Variants in RTL9 observed in about 807,000 individuals in gnomAD.
RTL9 encodes the protein retrotransposon Gag like 9, also known as retrotransposon Gag-like protein 9.
In RTL9, 19 loss-of-function variants were observed where a neutral mutation model predicts 44.7. The observed-to-expected ratio is 0.42, with a 90% CI of 0.30 to 0.62. The LOEUF (loss-of-function observed/expected upper bound fraction) is 0.62. Among genes scored for constraint, RTL9 ranks in the 20% least tolerant of loss-of-function variants. The probability of loss-of-function intolerance (pLI) is 0.16; values close to 1 mark genes in which losing one functional copy is unlikely to be tolerated. For missense variants in RTL9, 1,105 were observed against 1,080.6 expected (o/e 1.02, Z -0.32); for synonymous variants, 407 against 398.9 (o/e 1.02, Z -0.24).
At chrX:110,405,374 C>T (rs1270957748) in intron 1 of RTL9, among the ~76,000 whole-genome samples, 4 of 111,104 alleles carry the variant, frequency 3.6e-5, no homozygotes, top group Non-Finnish European at 7.5e-5. Context: ...TGGGTAGCAG[C>T]GTAAAAGCCA....
rs773124783 is a variant in RTL9 at position 110,451,508 on chromosome X, G to A, written c.891G>A (p.Pro297=). Reference sequence around the variant, plus strand: ...AAAACTCTGGGGGAATACCTACCCCGCTCATGTCAGATCTAGACTCTGGAA... The same window carrying A: ...AAAACTCTGGGGGAATACCTACCCCACTCATGTCAGATCTAGACTCTGGAA... Residue 297 remains proline (P), a synonymous_variant, in exon 1 of 2, where the codon CCG becomes CCA. Coordinates refer to ENST00000540313, the Ensembl canonical transcript of RTL9. 31 of 1,210,136 alleles carry A rather than the reference G, an allele frequency of 2.6e-5. No homozygotes were observed. The Middle Eastern group carries it at 1.1e-3, about 45-fold the overall frequency.
At chrX:110,372,767 C>G (rs2068348329) in intron 1 of RTL9, among the ~76,000 whole-genome samples, 1 of 111,304 alleles carries the variant, frequency 9.0e-6, no homozygotes, top group South Asian at 3.8e-4. Context: ...CTGTCAGATT[C>G]CAGAGACAAG....
At chrX:110,382,350 A>G (rs2068426128) in intron 1 of RTL9, among the ~76,000 whole-genome samples, 1 of 111,012 alleles carries the variant, frequency 9.0e-6, no homozygotes, top group Admixed American at 9.6e-5. Context: ...AGCAACCCAA[A>G]CACCACCACC....
chrX:110,365,146 G>A (rs981964257), intron 1 of RTL9, among the ~76,000 whole-genome samples: 1 of 111,703 alleles, frequency 9.0e-6, no homozygotes, highest in African/African-American at 3.3e-5. Context: ...TCAGTTTGTG[G>A]GCCGCCTATT....
intron 1 of RTL9, among the ~76,000 whole-genome samples, chrX:110,421,642 A>C (rs1313540352): frequency 8.9e-6 from 1 of 112,857 alleles, no homozygotes; most frequent in East Asian, 2.8e-4. Context: ...AGAAGTGTAA[A>C]CAAAGCTCAA....
chrX:110,414,238 A>G (rs1360479364), upstream of RTL9, among the ~76,000 whole-genome samples: 4 of 112,125 alleles, frequency 3.6e-5, no homozygotes, highest in Non-Finnish European at 7.5e-5. Context: ...ATAGTTTCCA[A>G]CCTCAGCGGG....
At chrX:110,376,034 T>A (rs774125495) in intron 1 of RTL9, among the ~76,000 whole-genome samples, 1 of 111,780 alleles carries the variant, frequency 8.9e-6, no homozygotes, top group East Asian at 2.8e-4. Flanking sequence ...ATTTTAGTGA[T>A]GTGGAAACTG....
upstream of RTL9, among the ~76,000 whole-genome samples, chrX:110,414,405 G>A (rs1353006160): frequency 8.9e-6 from 1 of 112,647 alleles, no homozygotes; most frequent in Admixed American, 9.3e-5. Context: ...AAAGGGTGAA[G>A]TGGAGGAAAA....
chrX:110,442,307 C>A (rs1236408258), intron 1 of RTL9, among the ~76,000 whole-genome samples: 2 of 103,701 alleles, frequency 1.9e-5, no homozygotes, highest in Non-Finnish European at 3.9e-5. Flanking sequence ...AGCCAGAAAT[C>A]CAGCTTTCTA....
At chrX:110,428,171 G>A (rs1459203407) in intron 1 of RTL9, among the ~76,000 whole-genome samples, 1 of 112,060 alleles carries the variant, frequency 8.9e-6, no homozygotes, top group African/African-American at 3.3e-5. Flanking sequence ...GTGACTTTCT[G>A]TGCCTTGTCT....
exon 1 of RTL9, chrX:110,451,162 T>C (rs1368413484): frequency 8.3e-7 from 1 of 1,210,598 alleles, no homozygotes; most frequent in African/African-American, 1.7e-5. Flanking sequence ...ACACCTATAA[T>C]GAGCACTTCA....
intron 1 of RTL9, among the ~76,000 whole-genome samples, chrX:110,435,583 A>G (rs1183705772): frequency 8.9e-6 from 1 of 112,021 alleles, no homozygotes; most frequent in Non-Finnish European, 1.9e-5. Flanking sequence ...TGGATGTAAG[A>G]GAACCCTAAC....
chrX:110,402,476 C>T (rs187994821), intron 1 of RTL9, among the ~76,000 whole-genome samples: 47 of 112,839 alleles, frequency 4.2e-4, no homozygotes, highest in African/African-American at 1.4e-3. Context: ...CTACTCCCCA[C>T]GGAAGAGGAA....
intron 1 of RTL9, among the ~76,000 whole-genome samples, chrX:110,404,906 C>T (rs1374633934): frequency 8.9e-6 from 1 of 111,860 alleles, no homozygotes; most frequent in Admixed American, 9.5e-5. Flanking sequence ...AGAAAATACA[C>T]ATAGTAGCAT....
chrX:110,400,998 A>G (rs960209690), intron 1 of RTL9, among the ~76,000 whole-genome samples: 1 of 112,044 alleles, frequency 8.9e-6, no homozygotes. Flanking sequence ...TATTTAATGA[A>G]TTTCTTTTAA....
At chrX:110,375,114 G>A (rs1569417366) in intron 1 of RTL9, among the ~76,000 whole-genome samples, 1 of 111,440 alleles carries the variant, frequency 9.0e-6, no homozygotes, top group Non-Finnish European at 1.9e-5. Context: ...ACACTAGGGT[G>A]ACTTGATGTT....
chrX:110,455,132 T>C, intron 1 of RTL9, 70 bp from the exon 4 acceptor site: 1 of 1,184,213 alleles, frequency 8.4e-7, no homozygotes, highest in Non-Finnish European at 1.1e-6. Flanking sequence ...TCACAGAACT[T>C]ATCCAGGCAG....
At chrX:110,363,125 G>C (rs1158544603) in intron 1 of RTL9, among the ~76,000 whole-genome samples, 1 of 111,998 alleles carries the variant, frequency 8.9e-6, no homozygotes, top group Admixed American at 9.5e-5. Context: ...AAGATGAATA[G>C]GGCATGATCT....
chrX:110,408,431 GAA>G (rs2068617966), intron 1 of RTL9, among the ~76,000 whole-genome samples: 1 of 112,581 alleles, frequency 8.9e-6, no homozygotes, highest in Non-Finnish European at 1.9e-5. Context: ...CTTGCAAAAT[GAA>G]AAATAGTCTA....
Sources: gnomAD v4.1 joint callset for allele counts (sites outside exome capture counted in the v4.1 genomes callset) on GRCh38, gnomAD v4.1.1 for gene constraint, MANE v1.5 for transcripts, NCBI Gene and HGNC (gene_info 2026-07-23, HGNC 2026-07-21) for gene names.